Variants in STPG2 observed in about 807,000 individuals in gnomAD.
The protein encoded by STPG2 is sperm tail PG-rich repeat containing 2.
A neutral mutation model predicts 54.2 loss-of-function variants in STPG2; 56 were observed. The ratio of observed to expected loss-of-function variants is 1.03; its 90% CI spans 0.83 to 1.29. The LOEUF (loss-of-function observed/expected upper bound fraction) is 1.29, where lower values mean the gene tolerates loss of function less well. STPG2 is among the 50% of genes most tolerant of loss of function. The pLI, the probability that STPG2 is intolerant of heterozygous loss-of-function variation, is 0.00. For synonymous variants in STPG2, 200 were observed against 181.8 expected (o/e 1.10, Z -0.81); for missense variants, 596 against 544.9 (o/e 1.09, Z -0.93).
intron 10 of STPG2, among the ~76,000 whole-genome samples, chr4:97,678,763 T>C (rs904120888): frequency 2.0e-5 from 3 of 151,302 alleles, no homozygotes; most frequent in Non-Finnish European, 4.4e-5. Flanking sequence ...CTCCTAATGC[T>C]ATCCCTCCAC....
chr4:97,539,025 A>G (rs1158485993), intron 4 of STPG2, among the ~76,000 whole-genome samples: 1 of 152,222 alleles, frequency 6.6e-6, no homozygotes, highest in Non-Finnish European at 1.5e-5. Context: ...CCTGTCCTAC[A>G]AGAGCTCCTG....
At chr4:97,962,306 A>G (rs1733920408) in intron 7 of STPG2, among the ~76,000 whole-genome samples, 1 of 152,204 alleles carries the variant, frequency 6.6e-6, no homozygotes, top group South Asian at 2.1e-4. Context: ...TCACCACTAA[A>G]GAATTTATTC....
intron 7 of STPG2, among the ~76,000 whole-genome samples, chr4:97,964,609 T>C (rs965878614): frequency 6.6e-6 from 1 of 152,100 alleles, no homozygotes; most frequent in African/African-American, 2.4e-5. Flanking sequence ...CCCACAAATA[T>C]AATAAAATAA....
chr4:97,587,255 G>T (rs540356676), intron 10 of STPG2, among the ~76,000 whole-genome samples: 1 of 151,942 alleles, frequency 6.6e-6, no homozygotes, highest in East Asian at 1.9e-4. Context: ...AAATATTAAA[G>T]TAATTATTAT....
In STPG2 at chr4:98,134,166, C is replaced by G. The variant is rs1334235287; in HGVS notation, c.222+181G>C. On this transcript the variant is annotated intron_variant, in intron 2 of 10. Transcript: ENST00000295268. Reference sequence around the variant, plus strand: ...GAATATGTAGAATAATGAAAAACATCCAACCCAATCATGCAACCAACATTG... The same window carrying G: ...GAATATGTAGAATAATGAAAAACATGCAACCCAATCATGCAACCAACATTG... Among the ~76,000 whole-genome samples the G allele has an allele frequency of 2.6e-5, 4 of 151,794 alleles. No individual in the cohort carries two copies. In the East Asian group the frequency reaches 7.7e-4, roughly 29 times the overall value.
At chr4:97,944,518 T>C (rs971796485) in intron 7 of STPG2, among the ~76,000 whole-genome samples, 1 of 152,094 alleles carries the variant, frequency 6.6e-6, no homozygotes, top group African/African-American at 2.4e-5. Flanking sequence ...AATCTAGTAA[T>C]GTAATATTTC....
At chr4:97,472,437 G>T (rs543198428) in intron 4 of STPG2, among the ~76,000 whole-genome samples, 2 of 152,278 alleles carry the variant, frequency 1.3e-5, no homozygotes, top group East Asian at 1.9e-4. Context: ...AAGGGGAAAA[G>T]GAGCCATTTT....
At chr4:97,557,039 G>A (rs531398839), downstream of STPG2, among the ~76,000 whole-genome samples, 1 of 152,182 alleles carries the variant, frequency 6.6e-6, no homozygotes, top group Non-Finnish European at 1.5e-5. Flanking sequence ...AAATTAGCAG[G>A]GCGTGGTGGC....
chr4:97,866,816 G>A (rs1270549636), intron 8 of STPG2, among the ~76,000 whole-genome samples: 1 of 151,940 alleles, frequency 6.6e-6, no homozygotes, highest in Non-Finnish European at 1.5e-5. Context: ...ATTTGGAACT[G>A]AGTTATGTGA....
intron 10 of STPG2, among the ~76,000 whole-genome samples, chr4:97,675,610 T>C (rs1722813523): frequency 6.6e-6 from 1 of 152,092 alleles, no homozygotes; most frequent in Admixed American, 6.6e-5. Context: ...GAGAAGGCTC[T>C]CCAGCTGAAA....
At chr4:97,738,276 A>C (rs1374374365) in intron 9 of STPG2, among the ~76,000 whole-genome samples, 1 of 152,186 alleles carries the variant, frequency 6.6e-6, no homozygotes, top group African/African-American at 2.4e-5. Flanking sequence ...TGTAAAGACC[A>C]TCGAGGCTAG....
intron 10 of STPG2, among the ~76,000 whole-genome samples, chr4:97,657,384 T>C (rs1277992323): frequency 3.9e-5 from 6 of 152,178 alleles, no homozygotes; most frequent in Admixed American, 2.0e-4. Context: ...CATAAAACTA[T>C]AGCTTTACAC....
rs1304225543 is a variant in STPG2 at position 97,467,935 on chromosome 4, T to C, written c.462+244764A>G. On this transcript the variant is annotated intron_variant, in intron 4 of 4. Coordinates refer to the STPG2 transcript ENST00000522676. ...TGAGGTTCTTATGTGGCATACTACA[T>C]AGACTGTAGAGAATAAACATTATAT... Among the ~76,000 whole-genome samples, 4 of 151,438 alleles carry C rather than the reference T, an allele frequency of 2.6e-5. No individual in the cohort carries two copies. The East Asian group carries it at 5.8e-4, about 22-fold the overall frequency.
intron 5 of STPG2, among the ~76,000 whole-genome samples, chr4:98,046,372 A>G (rs1410604882): frequency 6.6e-6 from 1 of 152,090 alleles, no homozygotes; most frequent in African/African-American, 2.4e-5. Flanking sequence ...TTTGGAACAT[A>G]TTTCCCTATT....
At chr4:98,142,990 G>C in intron 1 of STPG2, 52 bp downstream of exon 1, 18 of 1,486,334 alleles carry the variant, frequency 1.2e-5, no homozygotes, top group Non-Finnish European at 1.6e-5. Flanking sequence ...AAGCGGAGCA[G>C]GCTGAAGATA....
At chr4:97,812,243 T>G (rs1727762621) in intron 9 of STPG2, among the ~76,000 whole-genome samples, 1 of 152,072 alleles carries the variant, frequency 6.6e-6, no homozygotes, top group South Asian at 2.1e-4. Flanking sequence ...AGATCTTACT[T>G]ACAATGGCCT....
At chr4:98,106,100 AT>A (rs1319579675) in intron 4 of STPG2, 36 bp from the exon 5 acceptor site, 1 of 1,278,396 alleles carries the variant, frequency 7.8e-7, no homozygotes, top group African/African-American at 1.5e-5. Flanking sequence ...AGAATTCTCA[AT>A]TTTAAACCTA....
At chr4:97,761,827 T>A (rs568704393) in intron 9 of STPG2, among the ~76,000 whole-genome samples, 92 of 152,296 alleles carry the variant, frequency 6.0e-4, no homozygotes, top group Non-Finnish European at 1.2e-3. Flanking sequence ...TCCTGGAACT[T>A]CTATTAAGTA....
At chr4:97,832,831 C>T (rs1481230498) in intron 9 of STPG2, among the ~76,000 whole-genome samples, 3 of 151,986 alleles carry the variant, frequency 2.0e-5, no homozygotes, top group Non-Finnish European at 4.4e-5. Context: ...TCAAGGAGTA[C>T]TACAAACCAC....
Sources: gnomAD v4.1 joint callset for allele counts (sites outside exome capture counted in the v4.1 genomes callset) on GRCh38, gnomAD v4.1.1 for gene constraint, MANE v1.5 for transcripts, NCBI Gene and HGNC (gene_info 2026-07-23, HGNC 2026-07-21) for gene names.